Variants in PRKG1 observed in about 807,000 individuals in gnomAD.
PRKG1 encodes cGMP-dependent protein kinase 1.
PRKG1 carries 35 observed loss-of-function variants against 88.1 expected under a neutral mutation model. The observed-to-expected ratio is 0.40, with a 90% CI of 0.30 to 0.53. The LOEUF (loss-of-function observed/expected upper bound fraction) is 0.53, where lower values mean the gene tolerates loss of function less well. Among genes scored for constraint, PRKG1 ranks in the 20% least tolerant of loss-of-function variants. The pLI is 0.59. For synonymous variants in PRKG1, 303 were observed against 292.5 expected (o/e 1.04, Z -0.37); for missense variants, 540 against 839.8 (o/e 0.64, Z 4.41).
chr10:51,524,451 C>CATA (rs1336668150), intron 3 of PRKG1, among the ~76,000 whole-genome samples: 2 of 152,264 alleles, frequency 1.3e-5, no homozygotes, highest in African/African-American at 4.8e-5. Flanking sequence ...ATAGATAATA[C>CATA]ATAAATGAAG....
intron 4 of PRKG1, among the ~76,000 whole-genome samples, chr10:51,820,820 G>A (rs1309933359): frequency 1.3e-5 from 2 of 152,018 alleles, no homozygotes; most frequent in African/African-American, 2.4e-5. Context: ...ATTAAGTTGG[G>A]TACTTCCTAA....
chr10:51,273,768 C>T (rs983204820), intron 2 of PRKG1, among the ~76,000 whole-genome samples: 1 of 152,202 alleles, frequency 6.6e-6, no homozygotes, highest in African/African-American at 2.4e-5. Context: ...GGAACTTCCT[C>T]ATCAGATGAA....
intron 3 of PRKG1, among the ~76,000 whole-genome samples, chr10:51,804,063 T>C (rs1242896949): frequency 6.6e-6 from 1 of 152,142 alleles, no homozygotes; most frequent in Non-Finnish European, 1.5e-5. Context: ...AGATTTCAAT[T>C]TGTAAAACGA....
chr10:51,773,380 G>C (rs1459942340), intron 3 of PRKG1, among the ~76,000 whole-genome samples: 1 of 152,022 alleles, frequency 6.6e-6, no homozygotes, highest in Non-Finnish European at 1.5e-5. Context: ...GAATGTGGGG[G>C]CTATTCAGGG....
intron 10 of PRKG1, among the ~76,000 whole-genome samples, chr10:52,264,986 C>G (rs1841536233): frequency 6.6e-6 from 1 of 151,966 alleles, no homozygotes; most frequent in African/African-American, 2.4e-5. Context: ...TCCTTCTTCC[C>G]AAGATATTGC....
intron 4 of PRKG1, among the ~76,000 whole-genome samples, chr10:51,849,979 A>G (rs975526986): frequency 2.6e-5 from 4 of 152,182 alleles, no homozygotes; most frequent in Non-Finnish European, 4.4e-5. Context: ...CAGTCTAGTC[A>G]TTTGGAAAGA....
At chr10:51,665,176 A>T (rs1441799572) in intron 3 of PRKG1, among the ~76,000 whole-genome samples, 1 of 152,206 alleles carries the variant, frequency 6.6e-6, no homozygotes, top group African/African-American at 2.4e-5. Context: ...TCATGTAATG[A>T]TTAGATGAGT....
chr10:51,016,510 A>G (rs1249576220), intron 1 of PRKG1, among the ~76,000 whole-genome samples: 1 of 151,912 alleles, frequency 6.6e-6, no homozygotes, highest in African/African-American at 2.4e-5. Flanking sequence ...TCTTCTGAAT[A>G]TTGTTTATTT....
At chr10:51,809,100 G>A (rs1292677657) in intron 4 of PRKG1, among the ~76,000 whole-genome samples, 1 of 152,074 alleles carries the variant, frequency 6.6e-6, no homozygotes, top group African/African-American at 2.4e-5. Flanking sequence ...GTCAAAGTTG[G>A]GTTTTATTTT....
At chr10:52,051,174 A>G (rs916694646) in intron 5 of PRKG1, among the ~76,000 whole-genome samples, 4 of 152,184 alleles carry the variant, frequency 2.6e-5, no homozygotes, top group Non-Finnish European at 5.9e-5. Flanking sequence ...TAACTATCAC[A>G]TGGATAGGGA....
intron 2 of PRKG1, among the ~76,000 whole-genome samples, chr10:51,230,519 G>A (rs1030446262): frequency 4.6e-5 from 7 of 152,094 alleles, no homozygotes; most frequent in African/African-American, 1.2e-4. Context: ...AGATACACTC[G>A]TGTGAAAAAT....
intron 2 of PRKG1, among the ~76,000 whole-genome samples, chr10:51,336,245 C>T (rs1159662836): frequency 6.6e-6 from 1 of 152,048 alleles, no homozygotes; most frequent in Non-Finnish European, 1.5e-5. Flanking sequence ...CCCAGCTACT[C>T]AGGAGGCTGA....
chr10:51,897,371 G>C (rs1034761752), intron 4 of PRKG1, among the ~76,000 whole-genome samples: 2 of 152,068 alleles, frequency 1.3e-5, no homozygotes, highest in African/African-American at 4.8e-5. Context: ...GAATCAGAAG[G>C]CTACTCTTCT....
At chr10:51,577,164 T>C (rs1161521741) in intron 3 of PRKG1, among the ~76,000 whole-genome samples, 2 of 152,008 alleles carry the variant, frequency 1.3e-5, no homozygotes, top group Admixed American at 6.6e-5. Flanking sequence ...GAGGAACTTA[T>C]GGTGAGATAA....
chr10:51,480,519 T>C (rs1490009187), intron 3 of PRKG1, among the ~76,000 whole-genome samples: 1 of 151,512 alleles, frequency 6.6e-6, no homozygotes, highest in Admixed American at 6.6e-5. Flanking sequence ...TCTTTGGAAG[T>C]AGAATGATGG....
At chr10:51,338,870 A>G (rs1841939856) in intron 2 of PRKG1, among the ~76,000 whole-genome samples, 1 of 152,194 alleles carries the variant, frequency 6.6e-6, no homozygotes, top group South Asian at 2.1e-4. Flanking sequence ...ATAGCCCACA[A>G]AAGATATCTA....
intron 2 of PRKG1, among the ~76,000 whole-genome samples, chr10:51,285,541 A>G (rs1840418370): frequency 6.6e-6 from 1 of 152,210 alleles, no homozygotes; most frequent in African/African-American, 2.4e-5. Flanking sequence ...TTAAAACAGT[A>G]TATTTTCCTT....
intron 1 of PRKG1, among the ~76,000 whole-genome samples, chr10:51,007,208 GT>G (rs1390691722): frequency 6.6e-6 from 1 of 152,016 alleles, no homozygotes; most frequent in Non-Finnish European, 1.5e-5. Flanking sequence ...GCCTCCTAAA[GT>G]GCTGGGATTA....
intron 2 of PRKG1, among the ~76,000 whole-genome samples, chr10:51,388,456 G>A (rs1837308488): frequency 6.6e-6 from 1 of 152,058 alleles, no homozygotes; most frequent in African/African-American, 2.4e-5. Context: ...TAAATTTTCT[G>A]TCCATGATAA....
Sources: gnomAD v4.1 joint callset for allele counts (sites outside exome capture counted in the v4.1 genomes callset) on GRCh38, gnomAD v4.1.1 for gene constraint, MANE v1.5 for transcripts, NCBI Gene and HGNC (gene_info 2026-07-23, HGNC 2026-07-21) for gene names.